Variants in GOLGA3 observed in about 807,000 individuals in gnomAD.
The protein encoded by GOLGA3 is golgin A3, also known as golgin subfamily A member 3.
GOLGA3 carries 75 observed loss-of-function variants against 169.4 expected under a neutral mutation model. The observed-to-expected ratio is 0.44, with a 90% CI of 0.37 to 0.54. GOLGA3 has a LOEUF of 0.54. Ranked by LOEUF, GOLGA3 falls within the 20% of genes least tolerant of loss-of-function variation. The pLI, the probability that GOLGA3 is intolerant of heterozygous loss-of-function variation, is 0.00. For missense variants in GOLGA3, 1,899 were observed against 1,930.0 expected (o/e 0.98, Z 0.30); for synonymous variants, 824 against 822.4 (o/e 1.00, Z -0.03).
intron 1 of GOLGA3, 197 bp downstream of exon 1, chr12:132,828,606 C>G (rs1055660618): frequency 1.3e-5 from 2 of 152,312 alleles, no homozygotes; most frequent in East Asian, 3.9e-4. Flanking sequence ...AGCTCCGCCG[C>G]AGCTGAAGGC....
rs905080211 is a variant in GOLGA3 at position 132,807,954 on chromosome 12, T to A, written c.1115A>T (p.His372Leu). The change falls in exon 5 of 24, where the codon CAC (histidine) becomes CTC (leucine). Residue 372 changes from histidine (H) to leucine (L), a missense_variant. Physicochemically the swap from His to Leu is moderately conservative, Grantham distance 99 (BLOSUM62 -3). Coordinates refer to ENST00000450791, the MANE Select transcript of GOLGA3 (RefSeq NM_001389683.1). ...KDVLQAAAAE[H>L]QDQGQEVNGE... ...GTTGACCTCCTGCCCCTGGTCTTGG[T>A]GCTCAGCGGCTGCGGCCTGGAGGAC... is the stretch of plus-strand genomic sequence containing the variant. 6.8e-6 allele frequency: 11 copies of A among 1,611,502 alleles called. No individual in the cohort carries two copies. The highest frequency in any genetic ancestry group is 9.3e-6 in the Non-Finnish European group (11 of 1,178,968).
intron 22 of GOLGA3, 76 bp downstream of exon 22, chr12:132,775,065 C>G: frequency 8.3e-6 from 11 of 1,318,606 alleles, no homozygotes; most frequent in Non-Finnish European, 1.1e-5. Context: ...GAATGACTAA[C>G]ACGTCTGCCA....
intron 8 of GOLGA3, among the ~76,000 whole-genome samples, chr12:132,801,474 A>G (rs1427315551): frequency 6.6e-6 from 1 of 152,166 alleles, no homozygotes; most frequent in Non-Finnish European, 1.5e-5. Flanking sequence ...CCCGAGACCC[A>G]GGCAAATGAG....
chr12:132,812,641 A>G lies in GOLGA3; in HGVS notation c.519+666T>C, dbSNP rs1480827936. ...GAACTTGACTGCAGATGTGGTGGAA[A>G]CAGCAAGGGCACTAGAACTAGAAGT... On this transcript the variant is annotated intron_variant, in intron 4 of 23. Transcript: ENST00000450791. 2.0e-5 allele frequency among the ~76,000 whole-genome samples: 3 copies of G among 152,236 alleles called. No homozygotes were observed. The East Asian group carries it at 5.8e-4, about 29-fold the overall frequency.
intron 9 of GOLGA3, among the ~76,000 whole-genome samples, chr12:132,798,065 T>A (rs1158786654): frequency 1.3e-5 from 2 of 151,310 alleles, no homozygotes; most frequent in Non-Finnish European, 2.9e-5. Flanking sequence ...CCGCAAGTGC[T>A]CACTGCACTA....
intron 4 of GOLGA3, 55 bp downstream of exon 4, chr12:132,813,252 G>A: frequency 1.6e-6 from 2 of 1,221,760 alleles, no homozygotes; most frequent in Non-Finnish European, 2.4e-6. Context: ...GGGACCAACA[G>A]TTGTCTCTGG....
chr12:132,783,937 G>T, intron 16 of GOLGA3: 1 of 1,438,084 alleles, frequency 7.0e-7, no homozygotes, highest in Non-Finnish European at 9.1e-7. Context: ...TATGAATTCT[G>T]TAACCATTCC....
intron 13 of GOLGA3, among the ~76,000 whole-genome samples, chr12:132,788,219 C>T (rs2046029179): frequency 6.6e-6 from 1 of 152,190 alleles, no homozygotes; most frequent in African/African-American, 2.4e-5. Flanking sequence ...TACTCACAGG[C>T]CTCAGCCTGG....
At chr12:132,800,819 C>T (rs1375267929) in intron 8 of GOLGA3, among the ~76,000 whole-genome samples, 1 of 152,102 alleles carries the variant, frequency 6.6e-6, no homozygotes, top group Non-Finnish European at 1.5e-5. Flanking sequence ...CTTAGCCGGG[C>T]ATGGTGGCAA....
chr12:132,816,452 C>CA (rs1225138266), intron 3 of GOLGA3, 88 bp downstream of exon 3: 6 of 1,371,050 alleles, frequency 4.4e-6, no homozygotes, highest in African/African-American at 2.8e-5. Flanking sequence ...CACAACAGCT[C>CA]AGACAGTGAG....
chr12:132,801,646 A>C, intron 8 of GOLGA3, 121 bp downstream of exon 8: 1 of 901,162 alleles, frequency 1.1e-6, no homozygotes, highest in Non-Finnish European at 1.7e-6. Context: ...TGGGCTGGAC[A>C]GCAGGTTAAA....
In GOLGA3 at chr12:132,801,854, C is replaced by T. The variant is rs2291258; in HGVS notation, c.1713G>A (p.Leu571=). ...GCTGGTACCACTGCCGGACACTCTGCAGGGACGAGATCTCCGCCTGCGACG... is the reference window on the plus strand; with the variant it reads ...GCTGGTACCACTGCCGGACACTCTGTAGGGACGAGATCTCCGCCTGCGACG... The part of the protein sequence containing the change: ...LKASQAEISS[L]QSVRQWYQQQ... Residue 571 remains leucine (L), a synonymous_variant, in exon 8 of 24, where the codon CTG becomes CTA. Coordinates refer to ENST00000450791, the MANE Select transcript of GOLGA3 (RefSeq NM_001389683.1). The T allele has an allele frequency of 0.28, 456,859 of 1,606,646 alleles. 70,881 individuals are homozygous for T. The highest frequency in any genetic ancestry group is 0.54 in the East Asian group (24,291 of 44,832).
chr12:132,787,920 C>G (rs1408722039), intron 13 of GOLGA3, among the ~76,000 whole-genome samples: 2 of 133,554 alleles, frequency 1.5e-5, no homozygotes, highest in Admixed American at 8.1e-5. Context: ...TTCCCTGGAC[C>G]CCCCCCGGAT....
At chr12:132,813,441 T>G in intron 3 of GOLGA3, 22 bp from the exon 4 acceptor site, 1 of 1,351,522 alleles carries the variant, frequency 7.4e-7, no homozygotes, top group Non-Finnish European at 1.0e-6. Context: ...AAAGGGCAAT[T>G]TGGAAACTCA....
intron 3 of GOLGA3, among the ~76,000 whole-genome samples, chr12:132,815,026 C>A (rs4758945): frequency 0.15 from 22,749 of 152,204 alleles, 1,970 homozygotes; most frequent in South Asian, 0.22. Context: ...ACACATGACA[C>A]CCTCCTTACA....
At chr12:132,788,600 G>A (rs75810241) in intron 13 of GOLGA3, among the ~76,000 whole-genome samples, 14,509 of 152,100 alleles carry the variant, frequency 0.095, 1,426 homozygotes, top group East Asian at 0.46. Context: ...ACTCAGCCAC[G>A]AGGGACTCCC....
chr12:132,777,810 GAGGA>G lies in GOLGA3; in HGVS notation c.3583-9_3583-6del, dbSNP rs1566070478. On this transcript the variant is annotated splice_polypyrimidine_tract_variant and splice_region_variant and intron_variant, in intron 18 of 23. Transcript: ENST00000450791. This position sits in a 1 kb window ranked among gnomAD's most constrained non-coding sequence, Gnocchi z 4.7. ...TTCCACCTTGGCAGCAGCCACCTAG[GAGGA>G]AGGAAGCCACGTTGTCCATGCCCTG... 1.9e-6 allele frequency: 3 copies of G among 1,613,308 alleles called. No individual in the cohort carries two copies. Among genetic ancestry groups the G allele is most frequent in the Non-Finnish European group, 2.5e-6 (3 of 1,179,778 alleles).
At chr12:132,782,556 G>C in intron 16 of GOLGA3, 63 bp from the exon 17 acceptor site, 1 of 1,298,588 alleles carries the variant, frequency 7.7e-7, no homozygotes, top group Non-Finnish European at 1.1e-6. Flanking sequence ...ACATACCCCA[G>C]AAACAGGTGA....
chr12:132,784,399 C>T, intron 15 of GOLGA3, 92 bp from the exon 16 acceptor site: 1 of 1,064,368 alleles, frequency 9.4e-7, no homozygotes, highest in African/African-American at 1.6e-5. Context: ...GGCTGTGTGG[C>T]TGCACACACC....
Sources: allele counts gnomAD v4.1 joint callset (sites outside exome capture counted in the v4.1 genomes callset), GRCh38; gene constraint gnomAD v4.1.1; non-coding constraint Gnocchi (gnomAD v3.1); transcripts MANE v1.5; gene names NCBI Gene and HGNC (gene_info 2026-07-23, HGNC 2026-07-21).